E2F7: variants seen among roughly 807,000 people sequenced by gnomAD.
E2F7 encodes the protein E2F transcription factor 7.
E2F7 carries 35 observed loss-of-function variants against 81.1 expected under a neutral mutation model. The observed-to-expected ratio is 0.43, with a 90% confidence interval of 0.33 to 0.57. The LOEUF (loss-of-function observed/expected upper bound fraction) is 0.57. Among genes scored for constraint, E2F7 ranks in the 20% least tolerant of loss-of-function variants. The pLI, the probability that E2F7 is intolerant of heterozygous loss-of-function variation, is 0.04. For missense variants in E2F7, 961 were observed against 1,093.7 expected (o/e 0.88, Z 1.71); for synonymous variants, 416 against 416.2 (o/e 1.00, Z 0.01).
chr12:77,059,388 G>A (rs2120755612), intron 2 of E2F7, among the ~76,000 whole-genome samples: 1 of 152,202 alleles, frequency 6.6e-6, no homozygotes, highest in East Asian at 1.9e-4. Context: ...TGTCCCAGCT[G>A]TTTGTATCTT....
chr12:77,063,926 T>C (rs146887033), intron 2 of E2F7, among the ~76,000 whole-genome samples: 2 of 152,386 alleles, frequency 1.3e-5, no homozygotes, highest in Non-Finnish European at 2.9e-5. Flanking sequence ...GACATTGTTA[T>C]GGCCAGTTTA....
At chr12:77,058,015 TCCTTGGATCAGCAGAAGCTGCATGCTAG>T (rs1168238753) in intron 2 of E2F7, among the ~76,000 whole-genome samples, 2 of 152,148 alleles carry the variant, frequency 1.3e-5, no homozygotes, top group Non-Finnish European at 2.9e-5. Flanking sequence ...CAACTCTTGC[TCCTTGGATCAGCAGAAGCTGCATGCTAG>T]CCATGGCAAC....
chr12:77,024,202 G>GAAAAAAC lies in E2F7; in HGVS notation c.2566-24_2566-18dup, dbSNP rs1555199087. 6.2e-7 allele frequency: 1 copy of GAAAAAAC among 1,606,704 alleles called. No homozygotes were observed. Among genetic ancestry groups the GAAAAAAC allele is most frequent in the South Asian group, 1.1e-5 (1 of 90,392 alleles). ...AACTGGTGACTGAAAAAAGAAAAAA[G>GAAAAAAC]AAAAAACAGAAGTGAAGTCATATTG... On this transcript the variant is annotated splice_polypyrimidine_tract_variant and intron_variant, in intron 12 of 12. Transcript: ENST00000322886.
At position 77,055,949 on chromosome 12, in the gene E2F7, C is replaced by T; in HGVS notation, c.275G>A (p.Ser92Asn). 5 of 1,614,136 alleles carry T rather than the reference C, an allele frequency of 3.1e-6. No homozygotes were observed. The highest frequency in any genetic ancestry group is 4.2e-6 in the Non-Finnish European group (5 of 1,180,022). Reference protein sequence around the residue: ...TPTANLKMLISAASPDIRDRE... With the variant: ...TPTANLKMLINAASPDIRDRE... The stretch of plus-strand genomic sequence containing the variant: ...GTCCCTTATATCTGGGCTGGCAGCA[C>T]TAATGAGCATCTTCAGGTTAGCTGT... Residue 92 changes from serine to asparagine, a missense_variant, in exon 3 of 13, where the codon AGT (serine) becomes AAT (asparagine). Physicochemically the swap from Ser to Asn is conservative, Grantham distance 46. Coordinates refer to ENST00000322886, the MANE Select transcript of E2F7 (RefSeq NM_203394.3).
intron 7 of E2F7, among the ~76,000 whole-genome samples, chr12:77,037,644 A>G (rs1205998993): frequency 1.3e-5 from 2 of 152,250 alleles, no homozygotes; most frequent in African/African-American, 4.8e-5. Flanking sequence ...AACCATTAAC[A>G]TAACACAACA....
At chr12:77,026,457 C>T (rs1419716362) in intron 11 of E2F7, among the ~76,000 whole-genome samples, 1 of 151,968 alleles carries the variant, frequency 6.6e-6, no homozygotes, top group Non-Finnish European at 1.5e-5. Flanking sequence ...CATGCCACCA[C>T]ACCCAGCTAA....
In E2F7 at chr12:77,033,120, A is replaced by C. The variant is rs1270888582; in HGVS notation, c.1312T>G (p.Ser438Ala). 2 of 1,613,748 alleles carry C rather than the reference A, an allele frequency of 1.2e-6. No homozygotes were observed. The change falls in exon 9 of 13, where the codon TCA becomes GCA. Residue 438 changes from serine (S) to alanine (A), a missense_variant and splice_region_variant. Physicochemically the swap from Ser to Ala is moderately conservative, Grantham distance 99. This residue lies in a region of E2F7 where 587 missense variants were observed against 620.3 expected (regional missense o/e 0.95). Coordinates refer to ENST00000322886, the MANE Select transcript of E2F7 (RefSeq NM_203394.3). ...PSSPYREEQG[S>A]GGYSLEIGSL... ...CCAATTTCTAAAGAGTAGCCACCTG[A>C]TCCTGAAAAGGAAGATGAAGGCTTA...
At chr12:77,037,315 G>C (rs137890356) in intron 7 of E2F7, among the ~76,000 whole-genome samples, 320 of 152,266 alleles carry the variant, frequency 2.1e-3, no homozygotes, top group Non-Finnish European at 4.0e-3. Flanking sequence ...TGTGGGCCAG[G>C]CATAGTAGTT....
At position 77,055,842 on chromosome 12, in the gene E2F7, A is replaced by C; in HGVS notation, c.369+13T>G. ...AAGTTCTAAAAAATCCCTGAGGAGC[A>C]CAGTCTGTTTACCTGTAGAGAATCT... On this transcript the variant is annotated intron_variant, in intron 3 of 12. Coordinates refer to ENST00000322886, the MANE Select transcript of E2F7 (RefSeq NM_203394.3). The C allele has an allele frequency of 6.3e-7, 1 of 1,577,450 alleles. No homozygotes were observed. The highest frequency in any genetic ancestry group is 8.6e-7 in the Non-Finnish European group (1 of 1,164,374).
Position 77,050,738 on chromosome 12 carries a change from C to T in E2F7, c.376G>A (p.Val126Ile), listed in dbSNP as rs1207927433. The change falls in exon 4 of 13, where the codon GTT (valine) becomes ATT (isoleucine). Residue 126 changes from valine (V) to isoleucine (I), a missense_variant. By Grantham distance (29) the Val-to-Ile change is conservative (BLOSUM62 3). This residue lies in a region of E2F7 where 301 missense variants were observed against 405.0 expected (regional missense o/e 0.74). Coordinates refer to ENST00000322886, the MANE Select transcript of E2F7 (RefSeq NM_203394.3). ...TCGTCCACAGCACTGTCCCCAACAA[C>T]ATCAAGCTACAGAGGGCAGATAGAA... ...DAFTDSLQLDVVGDSAVDEFE... is the reference protein window; with the variant it reads ...DAFTDSLQLDIVGDSAVDEFE... The T allele has an allele frequency of 2.5e-6, 4 of 1,612,902 alleles. No homozygotes were observed. The highest frequency in any genetic ancestry group is 1.7e-5 in the Admixed American group (1 of 59,936).
chr12:77,027,901 A>G lies in E2F7; in HGVS notation c.2122T>C (p.Cys708Arg), dbSNP rs1954772265. ...CCCTTACCTGCAGGAGACTGCACAC[A>G]AAGATATTGTAGCAAAGAAGGCTCT... Reference protein sequence around the residue: ...TKEPSLLQYLCVQSPAGLNGF... With the variant: ...TKEPSLLQYLRVQSPAGLNGF... The change falls in exon 11 of 13, where the codon TGT becomes CGT. Residue 708 changes from cysteine (C) to arginine (R), a missense_variant. Cys to Arg is a radical substitution (Grantham distance 180). Coordinates refer to ENST00000322886, the MANE Select transcript of E2F7 (RefSeq NM_203394.3). 2 of 1,614,186 alleles carry G rather than the reference A, an allele frequency of 1.2e-6. No individual in the cohort carries two copies. The highest frequency in any genetic ancestry group is 1.7e-6 in the Non-Finnish European group (2 of 1,180,046).
chr12:77,034,011 G>A lies in E2F7; in HGVS notation c.1155C>T (p.Val385=). 1 of 1,613,582 alleles carries A rather than the reference G, an allele frequency of 6.2e-7. No individual in the cohort carries two copies. The highest frequency in any genetic ancestry group is 8.5e-7 in the Non-Finnish European group (1 of 1,179,840). The part of the protein sequence containing the change: ...DEELVDVSAS[V]LPELKRETYG... ...ATGTTTCTCTTTTCAATTCTGGTAAGACAGATGCAGAAACATCCACCAGTT... is the reference window on the plus strand; with the variant it reads ...ATGTTTCTCTTTTCAATTCTGGTAAAACAGATGCAGAAACATCCACCAGTT... The change falls in exon 8 of 13, where the codon GTC becomes GTT. Residue 385 remains valine (V), a synonymous_variant. Coordinates refer to ENST00000322886, the MANE Select transcript of E2F7 (RefSeq NM_203394.3).
chr12:77,061,970 T>G (rs1955082284), intron 2 of E2F7, among the ~76,000 whole-genome samples: 1 of 152,234 alleles, frequency 6.6e-6, no homozygotes, highest in Non-Finnish European at 1.5e-5. Context: ...CCCTCTGAAC[T>G]TCCCATGAAT....
chr12:77,047,196 G>C (rs1195215115), intron 4 of E2F7, among the ~76,000 whole-genome samples: 1 of 152,130 alleles, frequency 6.6e-6, no homozygotes, highest in Non-Finnish European at 1.5e-5. Flanking sequence ...GTTAAGGGTG[G>C]GGGGCTCTTG....
intron 9 of E2F7, among the ~76,000 whole-genome samples, chr12:77,031,823 G>A (rs902437737): frequency 7.9e-5 from 12 of 152,122 alleles, no homozygotes; most frequent in Non-Finnish European, 1.5e-4. Context: ...ACCCTGGGCC[G>A]CAGAGATGAG....
intron 12 of E2F7, 131 bp from the exon 13 acceptor site, chr12:77,024,316 C>G: frequency 1.0e-6 from 1 of 953,310 alleles, no homozygotes; most frequent in Non-Finnish European, 1.5e-6. Context: ...GCTTTCTTAT[C>G]ACACTTACCC....
At chr12:77,052,519 T>G (rs11116810) in intron 3 of E2F7, among the ~76,000 whole-genome samples, 9 of 151,958 alleles carry the variant, frequency 5.9e-5, no homozygotes, top group African/African-American at 2.2e-4. Context: ...CAAAGTTGTA[T>G]CTTGACTCAT....
At chr12:77,060,861 G>C (rs1030929447) in intron 2 of E2F7, among the ~76,000 whole-genome samples, 1 of 152,184 alleles carries the variant, frequency 6.6e-6, no homozygotes, top group Admixed American at 6.5e-5. Flanking sequence ...CAAACTACCA[G>C]TCTGTTCTGA....
At position 77,027,892 on chromosome 12, in the gene E2F7, A is replaced by C; in HGVS notation, c.2131T>G (p.Ser711Ala). ...PSLLQYLCVQSPAGLNGFNVL... is the reference protein window; with the variant it reads ...PSLLQYLCVQAPAGLNGFNVL... ...TGATGACATCCCTTACCTGCAGGAG[A>C]CTGCACACAAAGATATTGTAGCAAA... is the stretch of plus-strand genomic sequence containing the variant. The change falls in exon 11 of 13, where the codon TCT (serine) becomes GCT (alanine). Residue 711 changes from serine (S) to alanine (A), a missense_variant. Physicochemically the swap from Ser to Ala is moderately conservative, Grantham distance 99 (BLOSUM62 1). Transcript: ENST00000322886. The C allele has an allele frequency of 1.9e-6, 3 of 1,614,080 alleles. No homozygotes were observed. The highest frequency in any genetic ancestry group is 1.7e-6 in the Non-Finnish European group (2 of 1,180,018).
Sources: gnomAD v4.1 joint callset for allele counts (sites outside exome capture counted in the v4.1 genomes callset) on GRCh38, gnomAD v4.1.1 for gene constraint, gnomAD v4.1.1 regional missense constraint, MANE v1.5 for transcripts, NCBI Gene and HGNC (gene_info 2026-07-23, HGNC 2026-07-21) for gene names.